FERMT1: variants seen among roughly 807,000 people sequenced by gnomAD.
The protein encoded by FERMT1 is FERM domain containing kindlin 1.
Under a neutral mutation model 85.3 loss-of-function variants are expected in FERMT1, and 60 were observed. That is an observed-to-expected ratio of 0.70 (90% CI 0.57 to 0.87). The LOEUF is 0.87. FERMT1 is among the 40% of genes least tolerant of loss of function. The pLI is 0.00. For synonymous variants in FERMT1, 275 were observed against 301.1 expected (o/e 0.91, Z 0.90); for missense variants, 701 against 818.9 (o/e 0.86, Z 1.76).
At chr20:6,080,320 G>C (rs536914958) in intron 13 of FERMT1, among the ~76,000 whole-genome samples, 1 of 152,132 alleles carries the variant, frequency 6.6e-6, no homozygotes, top group Non-Finnish European at 1.5e-5. Context: ...TTGTGTGTGT[G>C]TGTGTCTTGT....
chr20:6,087,560 C>A (rs140887879), intron 11 of FERMT1: 6 of 533,874 alleles, frequency 1.1e-5, no homozygotes, highest in Non-Finnish European at 2.1e-5. Context: ...ATCTGCCCAC[C>A]TTGGCCTCCC....
intron 6 of FERMT1, among the ~76,000 whole-genome samples, chr20:6,105,387 G>C (rs1483822071): frequency 6.6e-6 from 1 of 152,164 alleles, no homozygotes; most frequent in Non-Finnish European, 1.5e-5. Context: ...CTCTCCAATT[G>C]CATCGACTTC....
intron 9 of FERMT1, among the ~76,000 whole-genome samples, chr20:6,094,579 C>G (rs1484054327): frequency 1.3e-5 from 2 of 152,108 alleles, no homozygotes; most frequent in African/African-American, 4.8e-5. Context: ...TGATGTGAAC[C>G]CAGCCATTCA....
chr20:6,112,437 C>T (rs767588509), intron 4 of FERMT1, 40 bp downstream of exon 4: 3 of 1,599,768 alleles, frequency 1.9e-6, no homozygotes, highest in Non-Finnish European at 2.6e-6. Context: ...TTGAGTTTTA[C>T]TGTACGTTCA....
intron 1 of FERMT1, among the ~76,000 whole-genome samples, chr20:6,121,267 G>A (rs992088248): frequency 2.6e-5 from 4 of 152,126 alleles, no homozygotes; most frequent in African/African-American, 9.7e-5. Context: ...GATTACAGGC[G>A]TGTGCCACCA....
chr20:6,119,099 C>T (rs1022498681), intron 2 of FERMT1, among the ~76,000 whole-genome samples: 6 of 152,132 alleles, frequency 3.9e-5, no homozygotes, highest in African/African-American at 7.2e-5. Flanking sequence ...ATGCACCCAC[C>T]GCCACGCCAG....
At position 6,122,396 on chromosome 20, in the gene FERMT1, G is replaced by A. The variant is rs1983301353; in HGVS notation, c.-19+378C>T. ...AAAGAAACGAAAGCATGGAGGGATGGAGAGCAGGAAGGAGGAAAGATGAGG... is the reference window on the plus strand; with the variant it reads ...AAAGAAACGAAAGCATGGAGGGATGAAGAGCAGGAAGGAGGAAAGATGAGG... On this transcript the variant is annotated intron_variant, in intron 1 of 14. Coordinates refer to ENST00000217289, the MANE Select transcript of FERMT1 (RefSeq NM_017671.5). Among the ~76,000 whole-genome samples the A allele has an allele frequency of 2.0e-5, 3 of 152,332 alleles. No homozygotes were observed. The South Asian group carries it at 6.2e-4, about 32-fold the overall frequency.
intron 4 of FERMT1, 133 bp from the exon 5 acceptor site, chr20:6,110,644 A>G (rs1982922101): frequency 1.3e-6 from 1 of 761,278 alleles, no homozygotes; most frequent in Non-Finnish European, 2.3e-6. Context: ...ATATAAGTCA[A>G]GCTGGGCACT....
At chr20:6,092,542 CA>C (rs111243077) in intron 9 of FERMT1, among the ~76,000 whole-genome samples, 1,657 of 144,708 alleles carry the variant, frequency 0.011, 12 homozygotes, top group African/African-American at 0.021. Flanking sequence ...GACTTTGTCT[CA>C]AAAAAAAAAA....
At chr20:6,077,394 G>GA (rs35637712) in intron 14 of FERMT1, 48 bp from the exon 15 acceptor site, 405 of 1,593,212 alleles carry the variant, frequency 2.5e-4, no homozygotes, top group Non-Finnish European at 2.9e-4. Context: ...AAGGAATGAT[G>GA]AAAAAAAAAG....
chr20:6,085,232 G>A lies in FERMT1; in HGVS notation c.1427C>T (p.Thr476Ile). 1.2e-6 allele frequency: 2 copies of A among 1,614,128 alleles called. No individual in the cohort carries two copies. Among genetic ancestry groups the A allele is most frequent in the East Asian group, 2.2e-5 (1 of 44,880 alleles). Residue 476 changes from threonine (T) to isoleucine (I), a missense_variant, in exon 12 of 15, where the codon ACC (threonine) becomes ATC (isoleucine). Coordinates refer to ENST00000217289, the MANE Select transcript of FERMT1 (RefSeq NM_017671.5). ...TGGCTGGTAGGAGCTGTCTGCCATG[G>A]TTTTGCCCTTCGATGCCAACATGCA... Reference protein sequence around the residue: ...AACMLASKGKTMADSSYQPEV... With the variant: ...AACMLASKGKIMADSSYQPEV...
chr20:6,079,590 A>G lies in FERMT1; in HGVS notation c.1719-13T>C, dbSNP rs1981937645. On this transcript the variant is annotated splice_polypyrimidine_tract_variant and intron_variant, in intron 13 of 14. Transcript: ENST00000217289. ...GCTTCCTTTAAATCTGAAAAGAATCATAATATTAGTTAAGAGAAGCAACTG... is the reference window on the plus strand; with the variant it reads ...GCTTCCTTTAAATCTGAAAAGAATCGTAATATTAGTTAAGAGAAGCAACTG... The G allele has an allele frequency of 1.2e-6, 2 of 1,611,594 alleles. No homozygotes were observed. The highest frequency in any genetic ancestry group is 4.5e-5 in the East Asian group (2 of 44,852).
chr20:6,083,658 C>CT lies in FERMT1; in HGVS notation c.1718+381_1718+382insA, dbSNP rs1568653878. Among the ~76,000 whole-genome samples the CT allele has an allele frequency of 6.4e-5, 8 of 125,522 alleles. No individual in the cohort carries two copies. In the South Asian group the frequency reaches 1.6e-3, roughly 24 times the overall value. 82.3% of individuals were successfully genotyped at this position (125,522 alleles called of 152,430 possible). ...AGCCTGGGCGGCAAAATGAGACACC[C>CT]CCCCCCCCGGCCACCCTCCCCACAC... is the stretch of plus-strand genomic sequence containing the variant. On this transcript the variant is annotated intron_variant, in intron 13 of 14. Transcript: ENST00000217289.
chr20:6,076,641 C>G lies in FERMT1; in HGVS notation c.*532G>C. On this transcript the variant is annotated 3_prime_UTR_variant, in exon 15 of 15. Transcript: ENST00000217289. ...AGCCCCACCCCTCCCCTTTCTACCC[C>G]TAGACCTTGGCCTCCAGGGAAAAAG... The G allele has an allele frequency of 5.6e-6, 2 of 356,458 alleles. No individual in the cohort carries two copies. Among genetic ancestry groups the G allele is most frequent in the South Asian group, 4.3e-5 (2 of 46,074 alleles). 22.1% of individuals were successfully genotyped at this position (356,458 alleles called of 1,614,324 possible).
In FERMT1 at chr20:6,110,475, A is replaced by G. The variant is rs751558324; in HGVS notation, c.569T>C (p.Ile190Thr). ...PGLYSKTMTP[I>T]YDPINGTPAS... is the part of the protein sequence containing the mutation. ...TGGTGTTCCATTGATGGGGTCATATATAGGGGTCATGGTTTTACTGTATAA... is the reference window on the plus strand; with the variant it reads ...TGGTGTTCCATTGATGGGGTCATATGTAGGGGTCATGGTTTTACTGTATAA... Residue 190 changes from isoleucine to threonine, a missense_variant, in exon 5 of 15, where the codon ATA becomes ACA. By Grantham distance (89) the Ile-to-Thr change is moderately conservative (BLOSUM62 -1). Transcript: ENST00000217289. The G allele has an allele frequency of 3.2e-5, 51 of 1,614,048 alleles. No individual in the cohort carries two copies. The Middle Eastern group carries it at 4.9e-4, about 16-fold the overall frequency.
chr20:6,102,137 C>G (rs1257442151), intron 6 of FERMT1, among the ~76,000 whole-genome samples: 2 of 152,102 alleles, frequency 1.3e-5, no homozygotes, highest in African/African-American at 4.8e-5. Context: ...CAGCAATACT[C>G]CTGCCTCAGC....
intron 13 of FERMT1, among the ~76,000 whole-genome samples, chr20:6,082,600 G>T (rs930036573): frequency 6.6e-6 from 1 of 152,198 alleles, no homozygotes. Flanking sequence ...TGGGACAAAC[G>T]TTGGGGACTG....
Position 6,122,599 on chromosome 20 carries a change from C to T in FERMT1, c.-19+175G>A, listed in dbSNP as rs77662778. Among the ~76,000 whole-genome samples the T allele has an allele frequency of 5.3e-4, 80 of 152,304 alleles. No homozygotes were observed. The East Asian group carries it at 0.014, about 28-fold the overall frequency. Reference sequence around the variant, plus strand: ...GCTGAACTGAAAGTTTATTTTGCGGCCAGATGCGTAGGGCCGGAGAAGGTG... The same window carrying T: ...GCTGAACTGAAAGTTTATTTTGCGGTCAGATGCGTAGGGCCGGAGAAGGTG... On this transcript the variant is annotated intron_variant, in intron 1 of 14. Transcript: ENST00000217289.
At position 6,096,894 on chromosome 20, in the gene FERMT1, G is replaced by C. The variant is rs755468837; in HGVS notation, c.1089+8C>G. The C allele has an allele frequency of 6.3e-7, 1 of 1,584,110 alleles. No homozygotes were observed. On this transcript the variant is annotated splice_region_variant and intron_variant, in intron 8 of 14. Transcript: ENST00000217289. ...CCACAGTTCTGGGTGATCAGAAAAA[G>C]TTCATACCAAAAGGCTGTCCGCTTT...
Sources: allele counts gnomAD v4.1 joint callset (sites outside exome capture counted in the v4.1 genomes callset), GRCh38; gene constraint gnomAD v4.1.1; transcripts MANE v1.5; gene names NCBI Gene and HGNC (gene_info 2026-07-23, HGNC 2026-07-21).